B3GALT5: variants seen among roughly 807,000 people sequenced by gnomAD.
The protein encoded by B3GALT5 is UDP-Gal:betaGlcNAc beta 1,3-galactosyltransferase, polypeptide 5.
For synonymous variants in B3GALT5, 156 were observed against 158.6 expected, an observed-to-expected ratio of 0.98 and a Z score of 0.12; for missense variants, 328 against 396.6, an observed-to-expected ratio of 0.83 and a Z score of 1.47.
chr21:39,631,936 C>T (rs1397737804), intron 1 of B3GALT5, among the ~76,000 whole-genome samples: 1 of 152,188 alleles, frequency 6.6e-6, no homozygotes, highest in Non-Finnish European at 1.5e-5. Context: ...GCAGTCTGGA[C>T]AGAAAGCACA....
intron 2 of B3GALT5, among the ~76,000 whole-genome samples, chr21:39,654,362 A>G (rs2146211472): frequency 1.3e-5 from 2 of 152,314 alleles, no homozygotes; most frequent in Admixed American, 1.3e-4. Context: ...GATTACAGGG[A>G]TGAGCCACCA....
At chr21:39,640,232 C>T (rs531017430) in intron 1 of B3GALT5, among the ~76,000 whole-genome samples, 1 of 152,204 alleles carries the variant, frequency 6.6e-6, no homozygotes, top group South Asian at 2.1e-4. Context: ...CTGTGGAGCA[C>T]ATGCTTTGAA....
chr21:39,643,386 C>T (rs545487245), intron 1 of B3GALT5, among the ~76,000 whole-genome samples: 201 of 151,278 alleles, frequency 1.3e-3, no homozygotes, highest in Middle Eastern at 6.8e-3. Flanking sequence ...CCACTGCACT[C>T]CAGCCTGGGC....
chr21:39,648,191 T>C (rs2079359856), intron 2 of B3GALT5, among the ~76,000 whole-genome samples: 1 of 152,208 alleles, frequency 6.6e-6, no homozygotes, highest in Non-Finnish European at 1.5e-5. Flanking sequence ...TTCAGTGTTA[T>C]TTGGGTTATT....
intron 1 of B3GALT5, among the ~76,000 whole-genome samples, chr21:39,636,722 C>T (rs2079230515): frequency 6.6e-6 from 1 of 152,110 alleles, no homozygotes; most frequent in African/African-American, 2.4e-5. Context: ...TGGAAAGGAT[C>T]CTGTGATCAC....
At position 39,669,235 on chromosome 21, in the gene B3GALT5, G is replaced by A. The variant is rs909659616; in HGVS notation, c.*7743G>A. 19 of 152,174 alleles carry A rather than the reference G, an allele frequency of 1.2e-4. No individual in the cohort carries two copies. The highest frequency in any genetic ancestry group is 4.1e-4 in the African/African-American group (17 of 41,504). 9.4% of individuals were successfully genotyped at this position (152,174 alleles called of 1,614,324 possible). On this transcript the variant is annotated 3_prime_UTR_variant, in exon 4 of 4. Coordinates refer to ENST00000684187, the MANE Select transcript of B3GALT5 (RefSeq NM_001356336.2). ...AAATCTGAATGAGGTAAAAGAAGTT[G>A]GAGCTGGAAGATGCCTTAGAAATTA...
In B3GALT5 at chr21:39,672,098, C is replaced by T. The variant is rs1481969839; in HGVS notation, c.*10606C>T. ...CATTTTGTGTCATACTGCTTTACAT[C>T]ATCTATTCTACCTCCATTCACTGGT... On this transcript the variant is annotated 3_prime_UTR_variant, in exon 4 of 4. Coordinates refer to ENST00000684187, the MANE Select transcript of B3GALT5 (RefSeq NM_001356336.2). 3 of 152,246 alleles carry T rather than the reference C, an allele frequency of 2.0e-5. No individual in the cohort carries two copies. The highest frequency in any genetic ancestry group is 1.9e-4 in the East Asian group (1 of 5,196). 9.4% of individuals were successfully genotyped at this position (152,246 alleles called of 1,614,324 possible). A position where few individuals can be genotyped will look rare whatever the true frequency, so the allele number is the denominator to read the frequency against.
intron 2 of B3GALT5, among the ~76,000 whole-genome samples, chr21:39,653,409 T>C (rs1296413170): frequency 6.6e-6 from 1 of 152,210 alleles, no homozygotes; most frequent in Admixed American, 6.5e-5. Flanking sequence ...GTCTGGGCCC[T>C]CTAAATATTT....
At chr21:39,656,618 C>A (rs2079447255) in intron 2 of B3GALT5, among the ~76,000 whole-genome samples, 1 of 152,196 alleles carries the variant, frequency 6.6e-6, no homozygotes, top group African/African-American at 2.4e-5. Flanking sequence ...CCAGGAAGTG[C>A]ATCTTGAACT....
intron 1 of B3GALT5, among the ~76,000 whole-genome samples, chr21:39,619,979 T>C (rs1166437491): frequency 6.6e-6 from 1 of 152,170 alleles, no homozygotes; most frequent in East Asian, 1.9e-4. Context: ...GGCCAATTTT[T>C]ATATTTTTTG....
rs1006494753 is a variant in B3GALT5 at position 39,669,498 on chromosome 21, A to G, written c.*8006A>G. 2 of 152,190 alleles carry G rather than the reference A, an allele frequency of 1.3e-5. No homozygotes were observed. The highest frequency in any genetic ancestry group is 2.4e-5 in the African/African-American group (1 of 41,430). The allele number at this position is 152,190 out of a possible 1,614,324, so 9.4% of individuals were successfully genotyped here. A position where few individuals can be genotyped will look rare whatever the true frequency, so the allele number is the denominator to read the frequency against. ...TGAGGTTCGAGGCCGTGGGTTTTGCATACAGAGCTTTCACTGGGTAAATAC... is the reference window on the plus strand; with the variant it reads ...TGAGGTTCGAGGCCGTGGGTTTTGCGTACAGAGCTTTCACTGGGTAAATAC... On this transcript the variant is annotated 3_prime_UTR_variant, in exon 4 of 4. Transcript: ENST00000684187.
At chr21:39,638,146 G>A (rs1270637392) in intron 1 of B3GALT5, among the ~76,000 whole-genome samples, 1 of 152,130 alleles carries the variant, frequency 6.6e-6, no homozygotes, top group African/African-American at 2.4e-5. Flanking sequence ...TCCCTGGTTA[G>A]GGCTCCATCC....
chr21:39,653,521 T>G (rs1315352147), intron 2 of B3GALT5, among the ~76,000 whole-genome samples: 1 of 152,240 alleles, frequency 6.6e-6, no homozygotes, highest in Non-Finnish European at 1.5e-5. Context: ...GCTGGTTTGG[T>G]AGCCCCTGTG....
chr21:39,650,047 G>A (rs190500620), intron 2 of B3GALT5, among the ~76,000 whole-genome samples: 12 of 152,092 alleles, frequency 7.9e-5, no homozygotes, highest in African/African-American at 1.4e-4. Flanking sequence ...AAGATTTGTC[G>A]TCTTTGTCGT....
chr21:39,639,462 TTC>T (rs1555926237), intron 1 of B3GALT5, among the ~76,000 whole-genome samples: 72 of 132,440 alleles, frequency 5.4e-4, no homozygotes, highest in African/African-American at 2.1e-3. Flanking sequence ...CTTTTTTTCT[TTC>T]TCTCTCTCTC....
intron 1 of B3GALT5, among the ~76,000 whole-genome samples, chr21:39,639,464 C>CTTTCTT (rs1569212625): frequency 9.3e-6 from 1 of 107,908 alleles, no homozygotes; most frequent in African/African-American, 3.7e-5. Context: ...TTTTTTCTTT[C>CTTTCTT]TCTCTCTCTC....
At position 39,669,996 on chromosome 21, in the gene B3GALT5, A is replaced by G. The variant is rs118018544; in HGVS notation, c.*8504A>G. 9.3e-3 allele frequency: 1,419 copies of G among 151,982 alleles called. 14 individuals carry two copies. Among genetic ancestry groups the G allele is most frequent in the Non-Finnish European group, 0.013 (905 of 68,032 alleles). 9.4% of individuals were successfully genotyped at this position (151,982 alleles called of 1,614,324 possible). The stretch of plus-strand genomic sequence containing the variant: ...CCTGTTTGACCTCCTGGGATTCGGC[A>G]CTTAGTTATCTGTGTCATTCCCAAG... On this transcript the variant is annotated 3_prime_UTR_variant, in exon 4 of 4. Transcript: ENST00000684187.
At chr21:39,639,292 T>TTCTTTC (rs1569211960) in intron 1 of B3GALT5, among the ~76,000 whole-genome samples, 19 of 47,248 alleles carry the variant, frequency 4.0e-4, no homozygotes, top group African/African-American at 1.6e-3. Context: ...ATCTGGCTCT[T>TTCTTTC]TCTTTCTTTC....
At chr21:39,618,141 C>G (rs1487267872) in intron 1 of B3GALT5, among the ~76,000 whole-genome samples, 4 of 152,048 alleles carry the variant, frequency 2.6e-5, no homozygotes, top group Non-Finnish European at 5.9e-5. Context: ...GGCAACAGAG[C>G]AAGACCTTGT....
Sources: gnomAD v4.1 joint callset for allele counts (sites outside exome capture counted in the v4.1 genomes callset) on GRCh38, gnomAD v4.1.1 for gene constraint, MANE v1.5 for transcripts, NCBI Gene and HGNC (gene_info 2026-07-23, HGNC 2026-07-21) for gene names.